Variants in WNT3 observed in about 807,000 individuals in gnomAD.
WNT3 encodes the protein Wnt family member 3, also known as proto-oncogene Wnt-3.
WNT3 carries 7 observed loss-of-function variants against 34.2 expected under a neutral mutation model. The observed-to-expected ratio is 0.20, with a 90% CI of 0.12 to 0.38. The LOEUF (loss-of-function observed/expected upper bound fraction) is 0.38. Among genes scored for constraint, WNT3 ranks in the 10% least tolerant of loss-of-function variants. The probability of loss-of-function intolerance (pLI) is 1.00; values close to 1 mark genes in which losing one functional copy is unlikely to be tolerated. For synonymous variants in WNT3, 212 were observed against 211.5 expected (o/e 1.00, Z -0.02); for missense variants, 267 against 499.8 (o/e 0.53, Z 4.44).
At chr17:46,790,434 C>A (rs1342413080) in intron 1 of WNT3, among the ~76,000 whole-genome samples, 1 of 152,076 alleles carries the variant, frequency 6.6e-6, no homozygotes, top group Non-Finnish European at 1.5e-5. Context: ...GGTGCTCCCT[C>A]CCCTCTGTGG....
At chr17:46,770,151 G>C in intron 2 of WNT3, 103 bp from the exon 3 acceptor site, 1 of 1,414,158 alleles carries the variant, frequency 7.1e-7, no homozygotes, top group Non-Finnish European at 9.3e-7. Flanking sequence ...AGGCCAGGAA[G>C]AGTTGAAGAG....
intron 1 of WNT3, among the ~76,000 whole-genome samples, chr17:46,811,077 C>T (rs2084268093): frequency 6.6e-6 from 1 of 152,122 alleles, no homozygotes; most frequent in South Asian, 2.1e-4. Context: ...GTGTCCCCAT[C>T]CTGACCCCTG....
At chr17:46,767,775 T>C (rs911249442) in intron 4 of WNT3, among the ~76,000 whole-genome samples, 2 of 151,818 alleles carry the variant, frequency 1.3e-5, no homozygotes. Flanking sequence ...TGAATTTTGT[T>C]TTTTTTTGTT....
intron 1 of WNT3, among the ~76,000 whole-genome samples, chr17:46,794,331 G>A (rs563761670): frequency 9.9e-5 from 15 of 152,148 alleles, no homozygotes; most frequent in African/African-American, 2.2e-4. Flanking sequence ...TCTTACTAGC[G>A]GTGAAGAGGG....
intron 1 of WNT3, among the ~76,000 whole-genome samples, chr17:46,774,284 C>T (rs900742709): frequency 6.6e-6 from 1 of 152,270 alleles, no homozygotes; most frequent in South Asian, 2.1e-4. Flanking sequence ...AGAGATCAGG[C>T]TGGGCAATTT....
chr17:46,769,043 T>C (rs1199165516), intron 3 of WNT3, among the ~76,000 whole-genome samples: 2 of 152,200 alleles, frequency 1.3e-5, no homozygotes, highest in Admixed American at 1.3e-4. Context: ...ATACGAGTTG[T>C]TGCCCAGGCG....
At chr17:46,771,745 G>T (rs2146380242) in intron 2 of WNT3, among the ~76,000 whole-genome samples, 1 of 105,870 alleles carries the variant, frequency 9.4e-6, no homozygotes, top group African/African-American at 3.4e-5. Flanking sequence ...CCCCATTGAA[G>T]CGGCGCCCCC....
At chr17:46,792,593 C>T (rs2084000834) in intron 1 of WNT3, among the ~76,000 whole-genome samples, 1 of 152,144 alleles carries the variant, frequency 6.6e-6, no homozygotes, top group South Asian at 2.1e-4. Flanking sequence ...CCTGCCTCAG[C>T]CTCCCGAGTA....
chr17:46,790,300 A>G (rs975130660), intron 1 of WNT3, among the ~76,000 whole-genome samples: 1 of 152,154 alleles, frequency 6.6e-6, no homozygotes, highest in East Asian at 1.9e-4. Flanking sequence ...ACTTCATTAC[A>G]CATTCCAGCA....
At chr17:46,766,629 C>T (rs774133690) in intron 4 of WNT3, among the ~76,000 whole-genome samples, 2 of 152,120 alleles carry the variant, frequency 1.3e-5, no homozygotes, top group African/African-American at 2.4e-5. Flanking sequence ...TGAGCTACAC[C>T]GAGGGGCTTC....
rs201577087 is a variant in WNT3 at position 46,769,993 on chromosome 17, G to A, written c.378C>T (p.Ala126=). 1.1e-5 allele frequency: 18 copies of A among 1,605,006 alleles called. No individual in the cohort carries two copies. In the East Asian group the frequency reaches 2.7e-4, roughly 24 times the overall value. The change falls in exon 3 of 5, where the codon GCC becomes GCT. Residue 126 remains alanine, a synonymous_variant. Transcript: ENST00000225512. ...TGCCCTCGGCGCAGGAGCGGGTGAC[G>A]GCGAAGGCCACGCCGGCCGAGGCGA... ...HAIASAGVAF[A]VTRSCAEGTS...
At chr17:46,815,708 C>T (rs2084332599) in intron 1 of WNT3, among the ~76,000 whole-genome samples, 1 of 152,162 alleles carries the variant, frequency 6.6e-6, no homozygotes, top group South Asian at 2.1e-4. Context: ...GACTCTAGTG[C>T]CTGGACAGAC....
At position 46,779,103 on chromosome 17, in the gene WNT3, A is replaced by ACCCCC. The variant is rs3219936; in HGVS notation, c.81-5195_81-5194insGGGGG. ...CACACACACACACACACACACACAC[A>ACCCCC]CCCCAGCCCACTCGGCCTTCCAAAG... On this transcript the variant is annotated intron_variant, in intron 1 of 4. Transcript: ENST00000225512. Among the ~76,000 whole-genome samples the ACCCCC allele has an allele frequency of 5.6e-4, 75 of 133,664 alleles. 4 individuals carry two copies. In the East Asian group the frequency reaches 0.011, roughly 19 times the overall value. 87.7% of individuals were successfully genotyped at this position (133,664 alleles called of 152,430 possible).
chr17:46,811,589 G>A (rs1440987500), intron 1 of WNT3, among the ~76,000 whole-genome samples: 1 of 152,124 alleles, frequency 6.6e-6, no homozygotes, highest in African/African-American at 2.4e-5. Context: ...GAGCAAACCT[G>A]CAGGCAGGCC....
chr17:46,771,253 A>T (rs1313829921), intron 2 of WNT3, among the ~76,000 whole-genome samples: 1 of 152,020 alleles, frequency 6.6e-6, no homozygotes, highest in Admixed American at 6.5e-5. Flanking sequence ...GGGCCGACCG[A>T]GGACGGCGGC....
At chr17:46,817,386 C>G (rs1194025258) in intron 1 of WNT3, among the ~76,000 whole-genome samples, 4 of 152,116 alleles carry the variant, frequency 2.6e-5, no homozygotes, top group African/African-American at 9.7e-5. Flanking sequence ...CCGCCCAGGC[C>G]AAGGCTCTCC....
intron 1 of WNT3, among the ~76,000 whole-genome samples, chr17:46,780,441 A>C (rs900537144): frequency 1.3e-5 from 2 of 152,238 alleles, no homozygotes; most frequent in African/African-American, 4.8e-5. Flanking sequence ...TTAAACATAG[A>C]ATCACCCTAT....
intron 2 of WNT3, among the ~76,000 whole-genome samples, chr17:46,770,356 T>C (rs2059352905): frequency 6.6e-6 from 1 of 152,204 alleles, no homozygotes; most frequent in Non-Finnish European, 1.5e-5. Flanking sequence ...GGCAGGTTGC[T>C]GCAGAGATAA....
At chr17:46,794,574 C>T (rs1598782347) in intron 1 of WNT3, among the ~76,000 whole-genome samples, 2 of 152,194 alleles carry the variant, frequency 1.3e-5, no homozygotes, top group African/African-American at 2.4e-5. Flanking sequence ...ACTGTACCAC[C>T]GTGGAGAGGA....
Sources: gnomAD v4.1 joint callset for allele counts (sites outside exome capture counted in the v4.1 genomes callset) on GRCh38, gnomAD v4.1.1 for gene constraint, MANE v1.5 for transcripts, NCBI Gene and HGNC (gene_info 2026-07-23, HGNC 2026-07-21) for gene names.